RC3H1: variants seen among roughly 807,000 people sequenced by gnomAD.
RC3H1 encodes the protein roquin-1.
Under a neutral mutation model 138.2 loss-of-function variants are expected in RC3H1, and 50 were observed. The ratio of observed to expected loss-of-function variants is 0.36; its 90% CI spans 0.29 to 0.46. RC3H1 has a LOEUF of 0.46. Ranked by LOEUF, RC3H1 falls within the 20% of genes least tolerant of loss-of-function variation. The pLI is 1.00. For missense variants in RC3H1, 1,031 were observed against 1,388.1 expected, an observed-to-expected ratio of 0.74 and a Z score of 4.09; for synonymous variants, 462 against 489.1, an observed-to-expected ratio of 0.94 and a Z score of 0.73.
chr1:174,013,297 G>A (rs961960043), intron 1 of RC3H1, among the ~76,000 whole-genome samples: 1 of 151,996 alleles, frequency 6.6e-6, no homozygotes, highest in Non-Finnish European at 1.5e-5. Context: ...ATTGAACCTT[G>A]GGGGAATCAT....
chr1:173,960,892 C>T lies in RC3H1; in HGVS notation c.2370+185G>A, dbSNP rs1374030623. The T allele has an allele frequency of 1.1e-5, 6 of 545,504 alleles. No individual in the cohort carries two copies. In the South Asian group the frequency reaches 1.4e-4, roughly 12 times the overall value. 33.8% of individuals were successfully genotyped at this position (545,504 alleles called of 1,614,324 possible). A position where few individuals can be genotyped will look rare whatever the true frequency, so the allele number is the denominator to read the frequency against. On this transcript the variant is annotated intron_variant, in intron 13 of 19. Transcript: ENST00000367696. ...GGAACAAAAAAAAAGATCTTGACTC[C>T]TAATGCATTACATTACATACATACA...
chr1:173,965,065 C>A lies in RC3H1; in HGVS notation c.1390G>T (p.Gly464Cys). 3 of 1,614,106 alleles carry A rather than the reference C, an allele frequency of 1.9e-6. No individual in the cohort carries two copies. Among genetic ancestry groups the A allele is most frequent in the Non-Finnish European group, 2.5e-6 (3 of 1,180,028 alleles). The change falls in exon 10 of 20, where the codon GGT (glycine) becomes TGT (cysteine). Residue 464 changes from glycine to cysteine, a missense_variant. Coordinates refer to ENST00000367696, the MANE Select transcript of RC3H1 (RefSeq NM_172071.4). ...VPRRPLSASL[G>C]QLNEVGLPSA... ...GGCAGGCCCACCTCATTAAGTTGAC[C>A]CAAAGAGGCACTCAAGGGTCTTCTC...
At chr1:173,981,788 T>C (rs1660830368) in intron 5 of RC3H1, among the ~76,000 whole-genome samples, 3 of 152,016 alleles carry the variant, frequency 2.0e-5, no homozygotes, top group South Asian at 4.2e-4. Flanking sequence ...ATAATGATTA[T>C]GATTAGAAGG....
chr1:174,007,038 CA>C (rs1406459018), intron 1 of RC3H1, among the ~76,000 whole-genome samples: 1 of 152,036 alleles, frequency 6.6e-6, no homozygotes, highest in Non-Finnish European at 1.5e-5. Context: ...TATTCTTCCC[CA>C]AATATCACTA....
intron 7 of RC3H1, among the ~76,000 whole-genome samples, chr1:173,977,554 G>A (rs1029770893): frequency 1.3e-5 from 2 of 152,194 alleles, no homozygotes; most frequent in Non-Finnish European, 1.5e-5. Flanking sequence ...GCACTCAGAG[G>A]ACACGATGGG....
intron 2 of RC3H1, among the ~76,000 whole-genome samples, chr1:173,988,312 A>T (rs1661116413): frequency 1.3e-5 from 2 of 152,200 alleles, no homozygotes; most frequent in South Asian, 4.1e-4. Context: ...GATATCACAT[A>T]ATTGGAATCA....
chr1:173,980,903 A>G lies in RC3H1; in HGVS notation c.875T>C (p.Met292Thr), dbSNP rs771582674. 9.3e-6 allele frequency: 15 copies of G among 1,614,024 alleles called. No homozygotes were observed. Among genetic ancestry groups the G allele is most frequent in the Non-Finnish European group, 1.3e-5 (15 of 1,179,976 alleles). ...EHDSQIVQIA[M>T]EAGLRIAPDQ... ...CGGTGCAATTCGTAAGCCTGCTTCC[A>G]TAGCAATCTGCACTATCTGGGAGTC... Residue 292 changes from methionine to threonine, a missense_variant, in exon 6 of 20, where the codon ATG (methionine) becomes ACG (threonine). Physicochemically the swap from Met to Thr is moderately conservative, Grantham distance 81. Transcript: ENST00000367696.
intron 1 of RC3H1, among the ~76,000 whole-genome samples, chr1:174,017,583 C>T (rs1661882016): frequency 6.6e-6 from 1 of 152,026 alleles, no homozygotes; most frequent in Non-Finnish European, 1.5e-5. Context: ...AGAGTAACTG[C>T]TTAATGGGTA....
intron 13 of RC3H1, among the ~76,000 whole-genome samples, chr1:173,957,691 T>G (rs908145265): frequency 6.6e-6 from 1 of 151,862 alleles, no homozygotes; most frequent in South Asian, 2.1e-4. Flanking sequence ...CCCAAGTAGC[T>G]GGGACTGTAG....
At chr1:173,976,464 A>G (rs1660589912) in intron 7 of RC3H1, among the ~76,000 whole-genome samples, 1 of 152,118 alleles carries the variant, frequency 6.6e-6, no homozygotes, top group Admixed American at 6.6e-5. Flanking sequence ...AAAAAAAAAA[A>G]AAAGTTAAAT....
intron 8 of RC3H1, among the ~76,000 whole-genome samples, chr1:173,971,999 G>A (rs142532979): frequency 2.6e-4 from 39 of 152,040 alleles, no homozygotes; most frequent in African/African-American, 3.4e-4. Flanking sequence ...TTCTACCATC[G>A]TATTTTCATC....
chr1:173,951,537 GA>G (rs1348876346), intron 14 of RC3H1, among the ~76,000 whole-genome samples: 1 of 150,940 alleles, frequency 6.6e-6, no homozygotes, highest in East Asian at 1.9e-4. Context: ...TCAGAGCTGT[GA>G]AAAAAAAATT....
Position 173,970,631 on chromosome 1 carries a change from CA to C in RC3H1, c.1222-15del. The C allele has an allele frequency of 6.4e-7, 1 of 1,564,592 alleles. No homozygotes were observed. Among genetic ancestry groups the C allele is most frequent in the Non-Finnish European group, 8.8e-7 (1 of 1,137,972 alleles). ...ATGCTGTGGAGGCTAAAACCAAAATCAAAACATTAGATGTGTAATAACCCCC... is the reference window on the plus strand; with the variant it reads ...ATGCTGTGGAGGCTAAAACCAAAATCAAACATTAGATGTGTAATAACCCCC... On this transcript the variant is annotated splice_polypyrimidine_tract_variant and intron_variant, in intron 8 of 19. Coordinates refer to ENST00000367696, the MANE Select transcript of RC3H1 (RefSeq NM_172071.4).
At chr1:173,969,432 T>C (rs1185239063) in intron 9 of RC3H1, 1 of 151,836 alleles carries the variant, frequency 6.6e-6, no homozygotes, top group African/African-American at 2.4e-5. Context: ...GTTATGCCCT[T>C]AGACATGGCA....
At chr1:173,986,265 A>G (rs1313292138) in intron 2 of RC3H1, among the ~76,000 whole-genome samples, 1 of 152,218 alleles carries the variant, frequency 6.6e-6, no homozygotes, top group Admixed American at 6.5e-5. Context: ...CAACATATTC[A>G]TAATTAACAA....
intron 1 of RC3H1, among the ~76,000 whole-genome samples, chr1:174,003,385 T>TCACACACACACA (rs3220994): frequency 0.013 from 1,894 of 143,272 alleles, 19 homozygotes; most frequent in Middle Eastern, 0.049. Flanking sequence ...AAGACTCCTA[T>TCACACACACACA]CACACACACA....
chr1:173,944,960 G>A (rs1659071022), intron 17 of RC3H1, among the ~76,000 whole-genome samples: 2 of 151,984 alleles, frequency 1.3e-5, no homozygotes, highest in South Asian at 4.1e-4. Context: ...TAGAAAGACA[G>A]ACTAATGTTC....
chr1:173,962,136 C>T, intron 11 of RC3H1, 41 bp from the exon 12 acceptor site: 1 of 1,531,468 alleles, frequency 6.5e-7, no homozygotes. Context: ...AATAATGAGC[C>T]AATTTAGTTT....
At chr1:174,001,991 C>A (rs1394154161) in intron 1 of RC3H1, among the ~76,000 whole-genome samples, 2 of 151,836 alleles carry the variant, frequency 1.3e-5, no homozygotes, top group Non-Finnish European at 2.9e-5. Flanking sequence ...AAAAATTTTA[C>A]AAAATTGTTT....
Sources: allele counts gnomAD v4.1 joint callset (sites outside exome capture counted in the v4.1 genomes callset), GRCh38; gene constraint gnomAD v4.1.1; transcripts MANE v1.5; gene names NCBI Gene and HGNC (gene_info 2026-07-23, HGNC 2026-07-21).